Variants in GOPC observed in about 807,000 individuals in gnomAD.
GOPC encodes the protein golgi associated PDZ and coiled-coil motif containing.
GOPC carries 32 observed loss-of-function variants against 51.2 expected under a neutral mutation model. The ratio of observed to expected loss-of-function variants is 0.63; its 90% confidence interval spans 0.47 to 0.84. The LOEUF is 0.84. Ranked by LOEUF, GOPC falls within the 40% of genes least tolerant of loss-of-function variation. GOPC has a pLI of 0.00. For missense variants in GOPC, 441 were observed against 555.5 expected, an observed-to-expected ratio of 0.79 and a Z score of 2.07; for synonymous variants, 190 against 205.1, an observed-to-expected ratio of 0.93 and a Z score of 0.63.
rs1779621206 is a variant in GOPC at position 117,563,203 on chromosome 6, C to G, written c.*51G>C. The G allele has an allele frequency of 8.3e-6, 13 of 1,561,180 alleles. No homozygotes were observed. The highest frequency in any genetic ancestry group is 1.1e-5 in the Non-Finnish European group (12 of 1,138,980). ...TCTTTGTCACCATCTTCCCCAGTGCCCCAAATTCAGAATAGTCTGATTAAC... is the reference window on the plus strand; with the variant it reads ...TCTTTGTCACCATCTTCCCCAGTGCGCCAAATTCAGAATAGTCTGATTAAC... On this transcript the variant is annotated 3_prime_UTR_variant, in exon 9 of 9. Coordinates refer to ENST00000368498, the MANE Select transcript of GOPC (RefSeq NM_020399.4).
chr6:117,588,589 G>A (rs1780067479), intron 1 of GOPC, among the ~76,000 whole-genome samples: 3 of 151,560 alleles, frequency 2.0e-5, no homozygotes, highest in African/African-American at 7.3e-5. Flanking sequence ...GGAATTTAAA[G>A]GTTTGAAAAA....
chr6:117,600,280 A>G (rs1312833672), intron 1 of GOPC, among the ~76,000 whole-genome samples: 1 of 152,134 alleles, frequency 6.6e-6, no homozygotes, highest in Non-Finnish European at 1.5e-5. Context: ...CCAGTTCTAC[A>G]CTCCTATGAT....
intron 1 of GOPC, among the ~76,000 whole-genome samples, chr6:117,600,844 T>C (rs1034214324): frequency 3.3e-5 from 5 of 152,208 alleles, no homozygotes; most frequent in African/African-American, 7.2e-5. Context: ...TCAAAAAGGA[T>C]AGAAGAAATT....
chr6:117,591,490 G>A (rs1016629929), intron 1 of GOPC, among the ~76,000 whole-genome samples: 8 of 152,180 alleles, frequency 5.3e-5, no homozygotes, highest in African/African-American at 1.9e-4. Context: ...ATAAGTTCAA[G>A]GGCTTAGGGC....
In GOPC at chr6:117,602,261, C is replaced by T; in HGVS notation, c.28G>A (p.Ala10Thr). The change falls in exon 1 of 9, where the codon GCA becomes ACA. Residue 10 changes from alanine (A) to threonine (T), a missense_variant. Ala to Thr is a moderately conservative substitution (Grantham distance 58). Around this residue, in one of 3 missense-constraint regions of GOPC, gnomAD observed 204 missense variants for 219.8 expected, o/e 0.93. Transcript: ENST00000368498. ...GCGCCCCCTGGGCCCCCTCCGGCTG[C>T]TGCTGGGCATGGACCGCCCGCCGAC... The part of the protein sequence containing the change: MSAGGPCPA[A>T]AGGGPGGASC... The T allele has an allele frequency of 6.3e-7, 1 of 1,596,646 alleles. No individual in the cohort carries two copies. Among genetic ancestry groups the T allele is most frequent in the South Asian group, 1.1e-5 (1 of 90,820 alleles).
rs1307642648 is a variant in GOPC, at chr6:117,573,511, C to T, written c.772G>A (p.Gly258Arg). Residue 258 changes from glycine to arginine, a missense_variant, in exon 5 of 9, where the codon GGA (glycine) becomes AGA (arginine). By Grantham distance (125) the Gly-to-Arg change is moderately radical (BLOSUM62 -2). Around this residue, in one of 3 missense-constraint regions of GOPC, gnomAD observed 166 missense variants for 267.0 expected, o/e 0.62. Transcript: ENST00000368498. ...ATTGGTCGTTTCAAGTCATTACGTC[C>T]TCTGCAGGCTCGGATCACAGTTTTG... is the stretch of plus-strand genomic sequence containing the variant. ...RHKTVIRACR[G>R]RNDLKRPMQA... The T allele has an allele frequency of 1.2e-6, 2 of 1,614,084 alleles. No homozygotes were observed. The highest frequency in any genetic ancestry group is 1.7e-6 in the Non-Finnish European group (2 of 1,179,982).
chr6:117,584,998 C>G (rs773619209), intron 1 of GOPC, among the ~76,000 whole-genome samples: 2 of 152,098 alleles, frequency 1.3e-5, no homozygotes, highest in Non-Finnish European at 2.9e-5. Flanking sequence ...GCTGCCTGTA[C>G]AGCCTGCAGA....
intron 8 of GOPC, among the ~76,000 whole-genome samples, chr6:117,566,150 G>A (rs879448659): frequency 1.3e-5 from 2 of 152,150 alleles, no homozygotes; most frequent in Admixed American, 6.6e-5. Flanking sequence ...TTAGTGCTAA[G>A]GCACCAGCAG....
intron 1 of GOPC, among the ~76,000 whole-genome samples, chr6:117,591,784 G>C (rs1451987483): frequency 6.6e-6 from 1 of 152,162 alleles, no homozygotes; most frequent in Non-Finnish European, 1.5e-5. Flanking sequence ...CCGGGCCAAA[G>C]AATTTGAATT....
At chr6:117,597,275 G>A (rs1215133714) in intron 1 of GOPC, among the ~76,000 whole-genome samples, 1 of 152,076 alleles carries the variant, frequency 6.6e-6, no homozygotes. Flanking sequence ...CCAGTTCTAG[G>A]AGCTTTATGG....
intron 1 of GOPC, among the ~76,000 whole-genome samples, chr6:117,597,604 G>A (rs1780219768): frequency 6.6e-6 from 1 of 152,114 alleles, no homozygotes; most frequent in African/African-American, 2.4e-5. Context: ...AATTTGAAAT[G>A]GCACCACCTC....
At chr6:117,596,290 T>C (rs766029379) in intron 1 of GOPC, among the ~76,000 whole-genome samples, 1 of 152,206 alleles carries the variant, frequency 6.6e-6, no homozygotes, top group Non-Finnish European at 1.5e-5. Flanking sequence ...AGAGTCTGGA[T>C]ATTAGTCCTT....
chr6:117,584,683 T>C (rs1443948223), intron 1 of GOPC, among the ~76,000 whole-genome samples: 1 of 151,148 alleles, frequency 6.6e-6, no homozygotes, highest in East Asian at 1.9e-4. Context: ...ACAGGTGATA[T>C]AGTTTGGATG....
chr6:117,600,424 T>C (rs1442435812), intron 1 of GOPC, among the ~76,000 whole-genome samples: 1 of 152,208 alleles, frequency 6.6e-6, no homozygotes, highest in East Asian at 1.9e-4. Flanking sequence ...ACATTGAGGA[T>C]TAAGTTTCCC....
chr6:117,577,416 A>G (rs1199746710), intron 3 of GOPC, 32 bp downstream of exon 3: 7 of 1,589,922 alleles, frequency 4.4e-6, no homozygotes, highest in Non-Finnish European at 5.2e-6. Context: ...TCAGCGTGAC[A>G]TATTAAAGCA....
intron 1 of GOPC, among the ~76,000 whole-genome samples, chr6:117,592,045 T>C (rs75983342): frequency 0.022 from 3,385 of 152,238 alleles, 134 homozygotes; most frequent in African/African-American, 0.078. Context: ...TAAATAGTAA[T>C]GTATAAACTT....
intron 1 of GOPC, among the ~76,000 whole-genome samples, chr6:117,596,878 T>C (rs1234487310): frequency 6.6e-6 from 1 of 152,182 alleles, no homozygotes; most frequent in Non-Finnish European, 1.5e-5. Flanking sequence ...GGGCTTTTTT[T>C]GGTTCCATAT....
intron 6 of GOPC, among the ~76,000 whole-genome samples, chr6:117,570,046 T>A (rs1469138364): frequency 2.6e-5 from 4 of 152,080 alleles, no homozygotes; most frequent in Non-Finnish European, 4.4e-5. Flanking sequence ...AAAAATAATT[T>A]TAAGATTATA....
intron 1 of GOPC, among the ~76,000 whole-genome samples, chr6:117,580,242 G>A (rs1274073013): frequency 6.6e-6 from 1 of 151,996 alleles, no homozygotes; most frequent in Non-Finnish European, 1.5e-5. Flanking sequence ...AGTGCCTAGT[G>A]CATAAAAGAT....
Sources: allele counts gnomAD v4.1 joint callset (sites outside exome capture counted in the v4.1 genomes callset), GRCh38; gene constraint gnomAD v4.1.1; regional missense constraint gnomAD v4.1.1; transcripts MANE v1.5; gene names NCBI Gene and HGNC (gene_info 2026-07-23, HGNC 2026-07-21).